The following HERC2 variants were observed in gnomAD, a reference collection of about 807,000 sequenced individuals.
HERC2 encodes E3 ubiquitin-protein ligase HERC2.
Under a neutral mutation model 537.7 loss-of-function variants are expected in HERC2, and 102 were observed. That is an observed-to-expected ratio of 0.19 (90% confidence interval 0.16 to 0.22). The LOEUF is 0.22. HERC2 is among the 10% of genes least tolerant of loss of function. The probability of loss-of-function intolerance (pLI) is 1.00; values close to 1 mark genes in which losing one functional copy is unlikely to be tolerated. For missense variants in HERC2, 4,236 were observed against 6,198.2 expected (o/e 0.68, Z 10.63); for synonymous variants, 2,224 against 2,466.2 (o/e 0.90, Z 2.91).
Position 28,268,491 on chromosome 15 carries a change from G to A in HERC2, c.1572C>T (p.Gly524=), listed in dbSNP as rs143874388. 2.2e-5 allele frequency: 36 copies of A among 1,613,958 alleles called. 1 individual carries two copies. Among genetic ancestry groups the A allele is most frequent in the African/African-American group, 4.0e-5 (3 of 75,036 alleles). ...CAGTGTCCCCATGGCCCAGCCGTCC[G>A]CCGTCCCCACAGCCCCAGGAGTACA... is the stretch of plus-strand genomic sequence containing the variant. ...GEVYSWGCGD[G]GRLGHGDTVP... The change falls in exon 12 of 93, where the codon GGC becomes GGT. Residue 524 remains glycine, a synonymous_variant. Transcript: ENST00000261609. This position sits in a 1 kb window ranked among gnomAD's most constrained non-coding sequence, Gnocchi z 4.7.
At chr15:28,133,065 TG>T (rs1890269003) in intron 79 of HERC2, among the ~76,000 whole-genome samples, 1 of 151,652 alleles carries the variant, frequency 6.6e-6, no homozygotes, top group African/African-American at 2.4e-5. Context: ...CCACACATAC[TG>T]GGTCAAGTTC....
intron 20 of HERC2, among the ~76,000 whole-genome samples, chr15:28,251,958 G>A (rs1278077858): frequency 1.3e-5 from 2 of 152,098 alleles, no homozygotes; most frequent in Non-Finnish European, 2.9e-5. Context: ...GCTTACATAT[G>A]TAGCACATTT....
chr15:28,308,027 A>G (rs1248570027), intron 2 of HERC2, among the ~76,000 whole-genome samples: 2 of 150,630 alleles, frequency 1.3e-5, no homozygotes, highest in African/African-American at 4.9e-5. Context: ...AGCTTCGGCT[A>G]TTCTGGGTCT....
chr15:28,130,352 C>T (rs994434623), intron 82 of HERC2, 50 bp from the exon 83 acceptor site: 2 of 1,611,654 alleles, frequency 1.2e-6, no homozygotes, highest in African/African-American at 2.7e-5. Context: ...ATCTCACTGA[C>T]CACCCTGACC....
rs113212089 is a variant in HERC2 at position 28,214,640 on chromosome 15, T to G, written c.6358+15A>C. On this transcript the variant is annotated intron_variant, in intron 40 of 92. Coordinates refer to ENST00000261609, the MANE Select transcript of HERC2 (RefSeq NM_004667.6). ...GCTCTTCACCAGGGCACAGGGAAGG[T>G]AGACGGCCACCCACCTCTGAGTAAT... 0.018 allele frequency: 28,153 copies of G among 1,589,070 alleles called. 4,280 individuals carry two copies. The African/African-American group carries it at 0.34, about 19-fold the overall frequency.
intron 68 of HERC2, among the ~76,000 whole-genome samples, chr15:28,165,366 G>A (rs1894023019): frequency 6.6e-6 from 1 of 152,226 alleles, no homozygotes; most frequent in African/African-American, 2.4e-5. Flanking sequence ...CAGGAGCCAG[G>A]TTTCCCACTT....
chr15:28,215,152 C>T (rs1899754822), intron 39 of HERC2, among the ~76,000 whole-genome samples: 1 of 152,154 alleles, frequency 6.6e-6, no homozygotes, highest in African/African-American at 2.4e-5. Context: ...GCTGGGATTA[C>T]AGGCATGAGC....
Position 28,147,553 on chromosome 15 carries a change from G to A in HERC2, c.10901-1209C>T, listed in dbSNP as rs544290986. ...CTCAGGAGGCTAAGGAAGGGGGATCGCTTGAGCCCAGAGTTTGGGGCTGTA... is the reference window on the plus strand; with the variant it reads ...CTCAGGAGGCTAAGGAAGGGGGATCACTTGAGCCCAGAGTTTGGGGCTGTA... On this transcript the variant is annotated intron_variant, in intron 70 of 92. Transcript: ENST00000261609. Among the ~76,000 whole-genome samples the A allele has an allele frequency of 3.4e-4, 52 of 152,094 alleles. No homozygotes were observed. The South Asian group carries it at 1.0e-2, about 29-fold the overall frequency.
chr15:28,217,157 GACTT>G (rs1900015164), intron 38 of HERC2, among the ~76,000 whole-genome samples: 1 of 152,068 alleles, frequency 6.6e-6, no homozygotes, highest in Non-Finnish European at 1.5e-5. Context: ...AACCCTCACT[GACTT>G]ACACTGACTT....
At chr15:28,134,449 T>C (rs986358977) in intron 79 of HERC2, among the ~76,000 whole-genome samples, 3 of 152,218 alleles carry the variant, frequency 2.0e-5, no homozygotes, top group Non-Finnish European at 4.4e-5. Context: ...TAGATGCCTT[T>C]TATTTCTTTG....
chr15:28,295,864 T>C (rs1266357011), intron 3 of HERC2, among the ~76,000 whole-genome samples: 2 of 152,102 alleles, frequency 1.3e-5, no homozygotes, highest in Non-Finnish European at 2.9e-5. Context: ...ACTCTGGCAC[T>C]ACAGCTGCAA....
intron 3 of HERC2, among the ~76,000 whole-genome samples, chr15:28,297,109 T>G (rs2076490625): frequency 1.3e-5 from 2 of 152,254 alleles, no homozygotes; most frequent in Non-Finnish European, 2.9e-5. Flanking sequence ...AATGTAAGCT[T>G]TGGTGTCTGA....
At position 28,214,150 on chromosome 15, in the gene HERC2, C is replaced by T. The variant is rs1899595301; in HGVS notation, c.6481G>A (p.Gly2161Arg). The T allele has an allele frequency of 3.3e-5, 54 of 1,613,994 alleles. No homozygotes were observed. The highest frequency in any genetic ancestry group is 4.4e-5 in the Non-Finnish European group (52 of 1,179,986). The change falls in exon 41 of 93, where the codon GGG (glycine) becomes AGG (arginine). Residue 2161 changes from glycine (G) to arginine (R), a missense_variant. By Grantham distance (125) the Gly-to-Arg change is moderately radical (BLOSUM62 -2). Transcript: ENST00000261609. ...RTLHSLTQWNGLINKYINSQL... is the reference protein window; with the variant it reads ...RTLHSLTQWNRLINKYINSQL... The stretch of plus-strand genomic sequence containing the variant: ...GAGTTGATGTACTTGTTGATGAGCC[C>T]ATTCCACTGAGTCAGGGAGTGCAGC...
chr15:28,261,050 G>T, intron 15 of HERC2, 80 bp from the exon 16 acceptor site: 1 of 1,023,854 alleles, frequency 9.8e-7, no homozygotes, highest in Non-Finnish European at 1.4e-6. Context: ...GGCCATTCAG[G>T]TCAGACAGCT....
At chr15:28,320,871 T>C (rs1246873001) in intron 2 of HERC2, among the ~76,000 whole-genome samples, 1 of 148,070 alleles carries the variant, frequency 6.8e-6, no homozygotes, top group Non-Finnish European at 1.5e-5. Flanking sequence ...CTCCTCTTAA[T>C]AAGGAGTTAC....
At chr15:28,121,487 A>G (rs1888883112) in intron 85 of HERC2, 58 bp from the exon 86 acceptor site, 2 of 1,317,114 alleles carry the variant, frequency 1.5e-6, no homozygotes, top group African/African-American at 2.9e-5. Flanking sequence ...TCACTCCTGA[A>G]GAAATCATCA....
intron 16 of HERC2, among the ~76,000 whole-genome samples, chr15:28,258,978 G>C (rs1339904451): frequency 1.3e-5 from 2 of 152,236 alleles, no homozygotes; most frequent in African/African-American, 2.4e-5. Context: ...AGACAACGTA[G>C]ATGAAGTAAA....
Position 28,141,792 on chromosome 15 carries a change from G to A in HERC2, c.11755C>T (p.His3919Tyr). ...MADSENMDVL[H>Y]ESHDIFKREQ... ...CTTTTAAAAATGTCATGGCTCTCAT[G>A]CAGAACATCCATGTTTTCGCTGTCT... Residue 3919 changes from histidine (H) to tyrosine (Y), a missense_variant, in exon 77 of 93, where the codon CAT (histidine) becomes TAT (tyrosine). His to Tyr is a moderately conservative substitution (Grantham distance 83). Around this residue, in one of 27 missense-constraint regions of HERC2, gnomAD observed 156 missense variants for 172.3 expected, o/e 0.91. Coordinates refer to ENST00000261609, the MANE Select transcript of HERC2 (RefSeq NM_004667.6). The A allele has an allele frequency of 6.2e-7, 1 of 1,614,184 alleles. No homozygotes were observed. The highest frequency in any genetic ancestry group is 8.5e-7 in the Non-Finnish European group (1 of 1,180,034).
intron 48 of HERC2, among the ~76,000 whole-genome samples, chr15:28,201,118 G>A (rs1489028800): frequency 6.6e-6 from 1 of 150,632 alleles, no homozygotes; most frequent in African/African-American, 2.4e-5. Context: ...GGCTACACCG[G>A]GGCAGCCACA....
Sources: allele counts gnomAD v4.1 joint callset (sites outside exome capture counted in the v4.1 genomes callset), GRCh38; gene constraint gnomAD v4.1.1; regional missense constraint gnomAD v4.1.1; non-coding constraint Gnocchi (gnomAD v3.1); transcripts MANE v1.5; gene names NCBI Gene and HGNC (gene_info 2026-07-23, HGNC 2026-07-21).